The following DPYD variants were observed in gnomAD, a reference collection of about 807,000 sequenced individuals.
DPYD encodes the protein dihydropyrimidine dehydrogenase.
In DPYD, 109 loss-of-function variants were observed where a neutral mutation model predicts 116.2. The observed-to-expected ratio is 0.94, with a 90% CI of 0.80 to 1.10. DPYD has a LOEUF of 1.10. DPYD is among the 50% of genes least tolerant of loss of function. The pLI is 0.00. For missense variants in DPYD, 1,302 were observed against 1,254.5 expected (o/e 1.04, Z -0.57); for synonymous variants, 440 against 432.0 (o/e 1.02, Z -0.23).
chr1:97,679,325 A>T lies in DPYD; in HGVS notation c.763-143T>A, dbSNP rs143749672. On this transcript the variant is annotated intron_variant, in intron 7 of 22. Transcript: ENST00000370192. Reference sequence around the variant, plus strand: ...TGTGACAACATTTTTGTCTTTTAGTATATAGGTTTACATACACAAAATAGT... The same window carrying T: ...TGTGACAACATTTTTGTCTTTTAGTTTATAGGTTTACATACACAAAATAGT... The T allele has an allele frequency of 5.4e-6, 3 of 556,308 alleles. No homozygotes were observed. The East Asian group carries it at 8.9e-5, about 16-fold the overall frequency. The allele number at this position is 556,308 out of a possible 1,614,324, so 34.5% of individuals were successfully genotyped here. A position where few individuals can be genotyped will look rare whatever the true frequency, so the allele number is the denominator to read the frequency against.
chr1:97,280,184 T>C (rs1366943114), intron 18 of DPYD: 1 of 151,982 alleles, frequency 6.6e-6, no homozygotes, highest in Non-Finnish European at 1.5e-5. Context: ...TGAGGATGTC[T>C]TGAATCTCCA....
chr1:97,318,632 A>G (rs1430854163), intron 16 of DPYD, among the ~76,000 whole-genome samples: 1 of 151,852 alleles, frequency 6.6e-6, no homozygotes, highest in African/African-American at 2.4e-5. Context: ...ATTAATAATG[A>G]GACACTTTAA....
At chr1:97,485,723 T>G (rs1224280997) in intron 13 of DPYD, among the ~76,000 whole-genome samples, 3 of 152,206 alleles carry the variant, frequency 2.0e-5, no homozygotes, top group Admixed American at 6.5e-5. Flanking sequence ...TTGCCGATCC[T>G]CTGCAAAATT....
rs72965893 is a variant in DPYD at position 97,179,115 on chromosome 1, G to A, written c.2622+13954C>T. Among the ~76,000 whole-genome samples, 1,459 of 152,214 alleles carry A rather than the reference G, an allele frequency of 9.6e-3. 14 individuals are homozygous for A. Among genetic ancestry groups the A allele is most frequent in the African/African-American group, 0.033 (1,355 of 41,520 alleles). ...CTCTTATAAAACCAGAGGGGACAAA[G>A]AATAGAAAATATTAGCGAGCACTAG... On this transcript the variant is annotated intron_variant, in intron 20 of 22. Transcript: ENST00000370192.
At chr1:97,236,897 G>A (rs2100756168) in intron 18 of DPYD, among the ~76,000 whole-genome samples, 1 of 152,156 alleles carries the variant, frequency 6.6e-6, no homozygotes, top group East Asian at 1.9e-4. Context: ...ATTTTGCTGT[G>A]AATCTAAACT....
intron 14 of DPYD, among the ~76,000 whole-genome samples, chr1:97,444,508 T>A (rs910842947): frequency 6.6e-6 from 1 of 152,160 alleles, no homozygotes; most frequent in African/African-American, 2.4e-5. Context: ...TATTTAATAA[T>A]ATAGGTCAAG....
At chr1:97,574,601 G>A (rs898408399) in intron 10 of DPYD, among the ~76,000 whole-genome samples, 1 of 151,936 alleles carries the variant, frequency 6.6e-6, no homozygotes, top group Non-Finnish European at 1.5e-5. Flanking sequence ...CATTTCCTAC[G>A]TAATTCATTT....
At chr1:97,743,523 T>A (rs905720804) in intron 3 of DPYD, among the ~76,000 whole-genome samples, 13 of 152,148 alleles carry the variant, frequency 8.5e-5, no homozygotes, top group Non-Finnish European at 1.9e-4. Context: ...TGACCTATTT[T>A]TCTATTTGAC....
chr1:97,345,081 T>A (rs988868252), intron 16 of DPYD, among the ~76,000 whole-genome samples: 4 of 151,976 alleles, frequency 2.6e-5, no homozygotes, highest in African/African-American at 9.7e-5. Context: ...GGGTTGGATA[T>A]CTTTTCACGT....
At chr1:97,569,680 C>T (rs1195503283) in intron 11 of DPYD, among the ~76,000 whole-genome samples, 1 of 151,522 alleles carries the variant, frequency 6.6e-6, no homozygotes, top group African/African-American at 2.4e-5. Flanking sequence ...AAAAGTAGAA[C>T]CATTTTGAGT....
At chr1:97,853,466 G>C (rs1670666482) in intron 2 of DPYD, among the ~76,000 whole-genome samples, 1 of 152,072 alleles carries the variant, frequency 6.6e-6, no homozygotes, top group Non-Finnish European at 1.5e-5. Flanking sequence ...CAGTCTTTAT[G>C]ATATTGCTGA....
intron 14 of DPYD, among the ~76,000 whole-genome samples, chr1:97,395,021 G>C (rs1227245716): frequency 6.6e-6 from 1 of 151,912 alleles, no homozygotes; most frequent in African/African-American, 2.4e-5. Flanking sequence ...ATTTTCTCTA[G>C]TAAATTCGTG....
intron 18 of DPYD, among the ~76,000 whole-genome samples, chr1:97,261,527 G>A (rs693680): frequency 0.76 from 108,031 of 141,418 alleles, 41,919 homozygotes; most frequent in African/African-American, 0.93. Context: ...AAAAAAGAAC[G>A]ATTTGTGTCT....
chr1:97,526,279 C>T (rs1371147921), intron 12 of DPYD, among the ~76,000 whole-genome samples: 1 of 152,068 alleles, frequency 6.6e-6, no homozygotes, highest in Non-Finnish European at 1.5e-5. Context: ...ATTTTTCGTG[C>T]TTTGTCCTCT....
chr1:97,102,540 A>T (rs1650814838), intron 20 of DPYD, among the ~76,000 whole-genome samples: 1 of 148,718 alleles, frequency 6.7e-6, no homozygotes, highest in Admixed American at 6.8e-5. Flanking sequence ...TGTCTATACA[A>T]CTGACAGACT....
Position 97,705,819 on chromosome 1 carries a change from C to T in DPYD, c.484-6272G>A, listed in dbSNP as rs923521283. ...TGTTGTTTCCTGACTTTTTAATGAT[C>T]GCCATTCTAACTGGTGTGAGATGGT... On this transcript the variant is annotated intron_variant, in intron 5 of 22. Coordinates refer to ENST00000370192, the MANE Select transcript of DPYD (RefSeq NM_000110.4). 4.6e-5 allele frequency among the ~76,000 whole-genome samples: 7 copies of T among 151,970 alleles called. 1 individual carries two copies. Among genetic ancestry groups the T allele is most frequent in the East Asian group, 1.9e-4 (1 of 5,136 alleles).
At chr1:97,673,381 T>C (rs1219278179) in intron 8 of DPYD, among the ~76,000 whole-genome samples, 1 of 152,154 alleles carries the variant, frequency 6.6e-6, no homozygotes, top group African/African-American at 2.4e-5. Context: ...TAATGTAAAA[T>C]GTATTCCCCC....
intron 21 of DPYD, among the ~76,000 whole-genome samples, chr1:97,096,521 G>A (rs1650258911): frequency 6.6e-6 from 1 of 152,102 alleles, no homozygotes. Context: ...GGGTCCAGTG[G>A]GACTTGGAGA....
intron 8 of DPYD, among the ~76,000 whole-genome samples, chr1:97,656,293 G>T (rs1452550938): frequency 1.3e-5 from 2 of 152,102 alleles, no homozygotes; most frequent in African/African-American, 4.8e-5. Context: ...TCTGTCTTGT[G>T]TCCTCTGGTC....
Sources: allele counts gnomAD v4.1 joint callset (sites outside exome capture counted in the v4.1 genomes callset), GRCh38; gene constraint gnomAD v4.1.1; transcripts MANE v1.5; gene names NCBI Gene and HGNC (gene_info 2026-07-23, HGNC 2026-07-21).